The following SPATA16 variants were observed in gnomAD, a reference collection of about 807,000 sequenced individuals.
SPATA16 encodes spermatogenesis-associated protein 16.
A neutral mutation model predicts 63.3 loss-of-function variants in SPATA16; 36 were observed. The observed-to-expected ratio is 0.57, with a 90% CI of 0.44 to 0.75. SPATA16 has a LOEUF of 0.75. SPATA16 is among the 30% of genes least tolerant of loss of function. The pLI, the probability that SPATA16 is intolerant of heterozygous loss-of-function variation, is 0.00. For missense variants in SPATA16, 646 were observed against 679.3 expected, an observed-to-expected ratio of 0.95 and a Z score of 0.54; for synonymous variants, 203 against 216.7, an observed-to-expected ratio of 0.94 and a Z score of 0.56.
chr3:173,127,373 A>G (rs1361652823), intron 1 of SPATA16, among the ~76,000 whole-genome samples: 3 of 152,198 alleles, frequency 2.0e-5, no homozygotes, highest in South Asian at 2.1e-4. Context: ...TAACATTGAT[A>G]TGATACTATT....
chr3:172,929,531 A>C (rs902897956), intron 6 of SPATA16, among the ~76,000 whole-genome samples: 2 of 152,078 alleles, frequency 1.3e-5, no homozygotes, highest in Non-Finnish European at 2.9e-5. Context: ...CTCCTTAAAA[A>C]TCATCTTCCT....
chr3:173,106,869 G>C (rs1737633332), intron 2 of SPATA16, among the ~76,000 whole-genome samples: 1 of 151,414 alleles, frequency 6.6e-6, no homozygotes, highest in Non-Finnish European at 1.5e-5. Context: ...TTTTCCATTG[G>C]TACTTCATAT....
In SPATA16 at chr3:172,944,759, A is replaced by G. The variant is rs2109607769; in HGVS notation, c.1081+11918T>C. On this transcript the variant is annotated intron_variant, in intron 6 of 10. Coordinates refer to ENST00000351008, the MANE Select transcript of SPATA16 (RefSeq NM_031955.6). ...GACACAAATGGACAAATACTATATG[A>G]TTCCACTTGGAGCTGTCAAATTCAC... Among the ~76,000 whole-genome samples, 2 of 152,356 alleles carry G rather than the reference A, an allele frequency of 1.3e-5. 1 individual carries two copies. The highest frequency in any genetic ancestry group is 6.8e-3 in the Middle Eastern group (2 of 294).
chr3:172,920,013 A>G (rs1004894717), intron 8 of SPATA16, among the ~76,000 whole-genome samples: 4 of 152,228 alleles, frequency 2.6e-5, no homozygotes, highest in Non-Finnish European at 4.4e-5. Flanking sequence ...TTTTTTAAAA[A>G]TTGAATCCAG....
chr3:172,984,571 A>G (rs1372397379), intron 4 of SPATA16, among the ~76,000 whole-genome samples: 1 of 152,174 alleles, frequency 6.6e-6, no homozygotes, highest in African/African-American at 2.4e-5. Context: ...GCCTTCTTCT[A>G]TGCCTAATTG....
At chr3:172,916,543 G>C (rs1240465847) in intron 8 of SPATA16, 62 bp from the exon 9 acceptor site, 6 of 1,568,304 alleles carry the variant, frequency 3.8e-6, no homozygotes, top group Non-Finnish European at 5.3e-6. Context: ...TCTCCCCAGG[G>C]CTGGAAGTCA....
chr3:172,906,897 A>T (rs1045385060), intron 10 of SPATA16, among the ~76,000 whole-genome samples: 1 of 152,062 alleles, frequency 6.6e-6, no homozygotes, highest in Non-Finnish European at 1.5e-5. Context: ...GCCCGCTACC[A>T]CGCCCGGCTA....
rs1735148081 is a variant in SPATA16 at position 173,014,979 on chromosome 3, AT to A, written c.848+4506del. Among the ~76,000 whole-genome samples the A allele has an allele frequency of 7.2e-5, 11 of 152,254 alleles. No homozygotes were observed. In the South Asian group the frequency reaches 2.3e-3, roughly 32 times the overall value. Reference sequence around the variant, plus strand: ...CATCATCTGCCTGGGCTTTATAAGCATTTGAATGTGTTATTCCTGTTTTTGT... The same window carrying A: ...CATCATCTGCCTGGGCTTTATAAGCATTGAATGTGTTATTCCTGTTTTTGT... On this transcript the variant is annotated intron_variant, in intron 4 of 10. Coordinates refer to ENST00000351008, the MANE Select transcript of SPATA16 (RefSeq NM_031955.6).
intron 10 of SPATA16, among the ~76,000 whole-genome samples, chr3:172,902,993 G>A (rs1224879253): frequency 6.6e-6 from 1 of 152,180 alleles, no homozygotes; most frequent in Non-Finnish European, 1.5e-5. Flanking sequence ...ATGACTGAAT[G>A]AGCTACAAGT....
intron 1 of SPATA16, among the ~76,000 whole-genome samples, chr3:173,130,186 C>T (rs112551414): frequency 0.018 from 2,787 of 151,598 alleles, 36 homozygotes; most frequent in Middle Eastern, 0.051. Context: ...ATGGTGAAAC[C>T]CCATCTCTAC....
chr3:173,065,887 G>T (rs553325441), intron 2 of SPATA16, among the ~76,000 whole-genome samples: 2 of 152,078 alleles, frequency 1.3e-5, no homozygotes, highest in Non-Finnish European at 2.9e-5. Context: ...GTGGCCTGGG[G>T]CCAGAAATGA....
At chr3:173,053,713 G>C (rs1736152498) in intron 2 of SPATA16, among the ~76,000 whole-genome samples, 1 of 151,920 alleles carries the variant, frequency 6.6e-6, no homozygotes, top group Non-Finnish European at 1.5e-5. Flanking sequence ...TTTCCTCACT[G>C]TATCACTGGA....
At chr3:172,925,971 G>T (rs752214705) in intron 6 of SPATA16, among the ~76,000 whole-genome samples, 3 of 151,804 alleles carry the variant, frequency 2.0e-5, no homozygotes, top group Non-Finnish European at 4.4e-5. Flanking sequence ...GATTACAGGC[G>T]CCCGCCACCG....
At chr3:173,044,538 G>A (rs1735914409) in intron 3 of SPATA16, among the ~76,000 whole-genome samples, 2 of 152,060 alleles carry the variant, frequency 1.3e-5, no homozygotes, top group African/African-American at 4.8e-5. Flanking sequence ...TACTTTCATA[G>A]GTTTGTTGAA....
At chr3:173,017,207 T>C (rs1006760159) in intron 4 of SPATA16, among the ~76,000 whole-genome samples, 17 of 152,192 alleles carry the variant, frequency 1.1e-4, no homozygotes, top group African/African-American at 4.1e-4. Flanking sequence ...TACCTGACAG[T>C]AATTGTATTG....
chr3:172,947,464 C>G (rs992895202), intron 6 of SPATA16, among the ~76,000 whole-genome samples: 4 of 152,154 alleles, frequency 2.6e-5, no homozygotes, highest in Non-Finnish European at 4.4e-5. Flanking sequence ...TGGATTTGTT[C>G]ATACCTTTCC....
chr3:173,088,804 A>G (rs548334619), intron 2 of SPATA16, among the ~76,000 whole-genome samples: 2 of 152,196 alleles, frequency 1.3e-5, no homozygotes, highest in African/African-American at 4.8e-5. Flanking sequence ...TACTCACTCA[A>G]CAAATGTTTC....
intron 6 of SPATA16, among the ~76,000 whole-genome samples, chr3:172,927,791 G>A (rs1732772677): frequency 6.6e-6 from 1 of 152,180 alleles, no homozygotes. Flanking sequence ...CCATAGGAAT[G>A]CCAGTAAACA....
chr3:172,960,961 C>CTCTCTCTTTCTTTTTCTCTT (rs1733747800), intron 5 of SPATA16, among the ~76,000 whole-genome samples: 3 of 143,810 alleles, frequency 2.1e-5, no homozygotes, highest in Admixed American at 7.1e-5. Context: ...CTCCCTCTCT[C>CTCTCTCTTTCTTTTTCTCTT]TCTCTCTTTC....
Sources: gnomAD v4.1 joint callset for allele counts (sites outside exome capture counted in the v4.1 genomes callset) on GRCh38, gnomAD v4.1.1 for gene constraint, MANE v1.5 for transcripts, NCBI Gene and HGNC (gene_info 2026-07-23, HGNC 2026-07-21) for gene names.